Variants in ADGRL2 observed in about 807,000 individuals in gnomAD.
ADGRL2 encodes the protein calcium-independent alpha-latrotoxin receptor 2.
ADGRL2 carries 44 observed loss-of-function variants against 157.4 expected under a neutral mutation model. The observed-to-expected ratio is 0.28, with a 90% CI of 0.22 to 0.36. The LOEUF (loss-of-function observed/expected upper bound fraction) is 0.36. Ranked by LOEUF, ADGRL2 falls within the 10% of genes least tolerant of loss-of-function variation. ADGRL2 has a pLI of 1.00. For synonymous variants in ADGRL2, 585 were observed against 624.7 expected, an observed-to-expected ratio of 0.94 and a Z score of 0.95; for missense variants, 1,510 against 1,768.9, an observed-to-expected ratio of 0.85 and a Z score of 2.63.
chr1:81,799,095 C>T (rs1439049624), upstream of ADGRL2, among the ~76,000 whole-genome samples: 1 of 152,114 alleles, frequency 6.6e-6, no homozygotes, highest in Non-Finnish European at 1.5e-5. Context: ...TTAGATAATT[C>T]TGCCTTCTTT....
At chr1:81,476,648 C>T (rs1010906359) in intron 2 of ADGRL2, among the ~76,000 whole-genome samples, 3 of 152,124 alleles carry the variant, frequency 2.0e-5, no homozygotes, top group Admixed American at 1.3e-4. Context: ...ATAGAAATCT[C>T]GCAAAGTTGC....
At chr1:81,685,541 CTT>C (rs1235491611) in intron 3 of ADGRL2, among the ~76,000 whole-genome samples, 1 of 152,024 alleles carries the variant, frequency 6.6e-6, no homozygotes, top group East Asian at 1.9e-4. Flanking sequence ...CTGGAGGAGT[CTT>C]TAGGGTTTTC....
intron 3 of ADGRL2, among the ~76,000 whole-genome samples, chr1:81,669,820 G>A (rs591600): frequency 0.4 from 60,619 of 151,724 alleles, 12,436 homozygotes; most frequent in Admixed American, 0.48. Flanking sequence ...GCTGGTGCCC[G>A]TAGTCCCAGC....
chr1:81,935,446 T>C (rs948829564), intron 3 of ADGRL2, among the ~76,000 whole-genome samples: 5 of 152,020 alleles, frequency 3.3e-5, no homozygotes, highest in African/African-American at 4.8e-5. Context: ...CAGGCTTTGC[T>C]GCTCTTCAAA....
intron 2 of ADGRL2, among the ~76,000 whole-genome samples, chr1:81,902,677 G>C (rs1426233080): frequency 6.6e-6 from 1 of 151,974 alleles, no homozygotes; most frequent in African/African-American, 2.4e-5. Flanking sequence ...TAGTCAGACT[G>C]TGTCAGAATT....
At chr1:81,819,907 A>G (rs2149825237) in intron 1 of ADGRL2, among the ~76,000 whole-genome samples, 1 of 152,262 alleles carries the variant, frequency 6.6e-6, no homozygotes, top group East Asian at 1.9e-4. Context: ...TCGAAGATTT[A>G]AAAAATTTCA....
At chr1:81,349,126 A>G (rs1662689048) in intron 1 of ADGRL2, among the ~76,000 whole-genome samples, 2 of 152,182 alleles carry the variant, frequency 1.3e-5, no homozygotes, top group African/African-American at 4.8e-5. Flanking sequence ...CATGGAACCC[A>G]AGCAAAATTG....
chr1:81,730,626 G>A (rs774273019), intron 1 of ADGRL2, among the ~76,000 whole-genome samples: 62 of 152,030 alleles, frequency 4.1e-4, no homozygotes, highest in Admixed American at 3.9e-4. Context: ...AGGAGGCTGA[G>A]GCACGAGAAT....
chr1:81,398,001 G>A (rs1183713709), intron 1 of ADGRL2, among the ~76,000 whole-genome samples: 2 of 151,950 alleles, frequency 1.3e-5, no homozygotes, highest in South Asian at 2.1e-4. Flanking sequence ...GCTTGGCTTC[G>A]GGGTGCATAT....
At chr1:81,504,562 A>G (rs1300031100) in intron 2 of ADGRL2, among the ~76,000 whole-genome samples, 4 of 151,888 alleles carry the variant, frequency 2.6e-5, no homozygotes, top group African/African-American at 7.2e-5. Flanking sequence ...AAGCCAAGCA[A>G]GTGATTGGGT....
chr1:81,843,769 T>A (rs2092687741), intron 2 of ADGRL2, among the ~76,000 whole-genome samples: 1 of 152,226 alleles, frequency 6.6e-6, no homozygotes, highest in African/African-American at 2.4e-5. Flanking sequence ...AATTATACTT[T>A]GGTCATCTTA....
chr1:81,803,218 G>A (rs555376129), intron 1 of ADGRL2, among the ~76,000 whole-genome samples: 2 of 152,200 alleles, frequency 1.3e-5, no homozygotes, highest in South Asian at 4.1e-4. Flanking sequence ...CTGCCCGAGC[G>A]TGGGCTCCTT....
chr1:81,339,299 A>G (rs1302687061), intron 1 of ADGRL2, among the ~76,000 whole-genome samples: 3 of 152,222 alleles, frequency 2.0e-5, no homozygotes, highest in Non-Finnish European at 4.4e-5. Flanking sequence ...AGTAACTGAC[A>G]ATGTCAAGAT....
chr1:81,504,184 A>G (rs1220848072), intron 2 of ADGRL2, among the ~76,000 whole-genome samples: 1 of 152,100 alleles, frequency 6.6e-6, no homozygotes, highest in Non-Finnish European at 1.5e-5. Flanking sequence ...CACACGGACC[A>G]TTCTCTGGCC....
chr1:81,350,820 C>A (rs1557618585), intron 1 of ADGRL2, among the ~76,000 whole-genome samples: 3 of 152,174 alleles, frequency 2.0e-5, no homozygotes, highest in East Asian at 1.9e-4. Context: ...ATGTGACTTG[C>A]ATGTTGACAT....
chr1:81,909,293 A>G (rs944389570), intron 3 of ADGRL2, among the ~76,000 whole-genome samples: 1 of 152,044 alleles, frequency 6.6e-6, no homozygotes, highest in African/African-American at 2.4e-5. Flanking sequence ...CCTTCATCAT[A>G]TATCTCTTTC....
chr1:81,817,921 A>G (rs541205526), intron 1 of ADGRL2, among the ~76,000 whole-genome samples: 10 of 152,140 alleles, frequency 6.6e-5, no homozygotes, highest in African/African-American at 2.4e-4. Flanking sequence ...TCCCAGCGCC[A>G]TAGAGGATGA....
chr1:81,339,884 C>T (rs1171006388), intron 1 of ADGRL2, among the ~76,000 whole-genome samples: 4 of 152,166 alleles, frequency 2.6e-5, no homozygotes, highest in Admixed American at 2.6e-4. Flanking sequence ...CTCTTAAGTT[C>T]ATATGTTCCT....
At chr1:81,423,496 G>A (rs148708152) in intron 1 of ADGRL2, among the ~76,000 whole-genome samples, 177 of 152,290 alleles carry the variant, frequency 1.2e-3, no homozygotes, top group African/African-American at 3.9e-3. Context: ...AAACTTGAAA[G>A]GATCTGTGTA....
Sources: allele counts gnomAD v4.1 joint callset (sites outside exome capture counted in the v4.1 genomes callset), GRCh38; gene constraint gnomAD v4.1.1; transcripts MANE v1.5; gene names NCBI Gene and HGNC (gene_info 2026-07-23, HGNC 2026-07-21).